Variants in NUP210L observed in about 807,000 individuals in gnomAD.
NUP210L encodes nuclear pore membrane glycoprotein 210-like.
NUP210L carries 74 observed loss-of-function variants against 208.5 expected under a neutral mutation model. That is an observed-to-expected ratio of 0.35 (90% CI 0.29 to 0.43). The LOEUF (loss-of-function observed/expected upper bound fraction) is 0.43, where lower values mean the gene tolerates loss of function less well. Among genes scored for constraint, NUP210L ranks in the 20% least tolerant of loss-of-function variants. The probability of loss-of-function intolerance (pLI) is 1.00; values close to 1 mark genes in which losing one functional copy is unlikely to be tolerated. For synonymous variants in NUP210L, 780 were observed against 816.9 expected, an observed-to-expected ratio of 0.95 and a Z score of 0.77; for missense variants, 1,843 against 2,289.4, an observed-to-expected ratio of 0.81 and a Z score of 3.98.
rs552469486 is a variant in NUP210L, at chr1:154,072,408, C to A, written c.2362-1943G>T. On this transcript the variant is annotated intron_variant, in intron 16 of 39. Coordinates refer to ENST00000368559, the Ensembl canonical transcript of NUP210L. ...AGTGCAGTGGTGAGATCTCGGCTCA[C>A]TGCAAGCTCCACCTCCCGGGTTCAT... Among the ~76,000 whole-genome samples, 3 of 137,184 alleles carry A rather than the reference C, an allele frequency of 2.2e-5. No homozygotes were observed. In the South Asian group the frequency reaches 7.4e-4, roughly 34 times the overall value. 90.0% of individuals were successfully genotyped at this position (137,184 alleles called of 152,430 possible).
chr1:154,140,272 A>T (rs1658772808), intron 4 of NUP210L, among the ~76,000 whole-genome samples: 1 of 150,898 alleles, frequency 6.6e-6, no homozygotes, highest in Non-Finnish European at 1.5e-5. Flanking sequence ...AATCACTTGA[A>T]CCCAGGAGAT....
rs538802957 is a variant in NUP210L, at chr1:154,141,127, A to G, written c.566+304T>C. 7.2e-5 allele frequency among the ~76,000 whole-genome samples: 11 copies of G among 152,138 alleles called. No homozygotes were observed. The South Asian group carries it at 2.3e-3, about 32-fold the overall frequency. ...TTCATACTATCATCCTTCTCCCTCT[A>G]CTCCAGCATGTGCAGGTAGCTTGAA... is the stretch of plus-strand genomic sequence containing the variant. On this transcript the variant is annotated intron_variant, in intron 4 of 39. Coordinates refer to ENST00000368559, the Ensembl canonical transcript of NUP210L.
chr1:154,007,331 T>C (rs2147899797), intron 35 of NUP210L, among the ~76,000 whole-genome samples: 1 of 151,240 alleles, frequency 6.6e-6, no homozygotes, highest in South Asian at 2.1e-4. Flanking sequence ...GGTGCCATCT[T>C]GGCTCACCGC....
intron 21 of NUP210L, 65 bp from the exon 22 acceptor site, chr1:154,058,281 T>C: frequency 6.5e-7 from 1 of 1,545,470 alleles, no homozygotes; most frequent in Non-Finnish European, 8.9e-7. Flanking sequence ...GTCTAACTCT[T>C]AGAGGGCAGT....
intron 35 of NUP210L, among the ~76,000 whole-genome samples, chr1:154,002,597 C>G (rs1428905148): frequency 6.6e-6 from 1 of 151,702 alleles, no homozygotes; most frequent in Non-Finnish European, 1.5e-5. Flanking sequence ...TGCATTCCAG[C>G]TTGGGGACAG....
intron 27 of NUP210L, among the ~76,000 whole-genome samples, chr1:154,043,267 G>A (rs1402798073): frequency 7.9e-5 from 12 of 151,512 alleles, no homozygotes; most frequent in Non-Finnish European, 1.3e-4. Flanking sequence ...TGATCCACGC[G>A]CCTCGGCCTC....
intron 16 of NUP210L, among the ~76,000 whole-genome samples, chr1:154,082,675 C>T (rs1655400442): frequency 6.6e-6 from 1 of 152,172 alleles, no homozygotes; most frequent in Non-Finnish European, 1.5e-5. Context: ...TAATTGGTTC[C>T]TTCTGGTAGG....
chr1:154,054,858 A>G, intron 23 of NUP210L, 26 bp from the exon 24 acceptor site: 3 of 1,513,502 alleles, frequency 2.0e-6, no homozygotes, highest in Non-Finnish European at 2.8e-6. Flanking sequence ...CAAAAGGACA[A>G]CAGTAACTAA....
chr1:154,054,905 A>ATTTT, intron 23 of NUP210L, 73 bp from the exon 24 acceptor site: 2 of 855,360 alleles, frequency 2.3e-6, no homozygotes, highest in Non-Finnish European at 3.7e-6. Context: ...GGTCATTTAA[A>ATTTT]TTTTTTTTTT....
chr1:154,134,969 C>A (rs1417214311), intron 7 of NUP210L, among the ~76,000 whole-genome samples: 1 of 151,570 alleles, frequency 6.6e-6, no homozygotes, highest in African/African-American at 2.4e-5. Context: ...AACTCCCGAC[C>A]TCAGGTGATC....
At chr1:154,087,216 A>G (rs895805596) in intron 16 of NUP210L, among the ~76,000 whole-genome samples, 1 of 150,734 alleles carries the variant, frequency 6.6e-6, no homozygotes, top group Admixed American at 6.7e-5. Flanking sequence ...GCTACTCAGG[A>G]GGATGAGGCA....
At chr1:154,151,462 A>G (rs1025328964) in intron 2 of NUP210L, among the ~76,000 whole-genome samples, 2 of 135,566 alleles carry the variant, frequency 1.5e-5, no homozygotes, top group African/African-American at 5.0e-5. Flanking sequence ...AATAGGTGTT[A>G]GTAGTTGGAA....
At chr1:154,097,563 T>G (rs1400634017) in intron 14 of NUP210L, among the ~76,000 whole-genome samples, 4 of 152,350 alleles carry the variant, frequency 2.6e-5, no homozygotes, top group African/African-American at 9.6e-5. Flanking sequence ...CCCAGGGAAC[T>G]AGTGAAATAT....
intron 17 of NUP210L, among the ~76,000 whole-genome samples, chr1:154,068,918 A>T (rs553126578): frequency 2.6e-5 from 4 of 152,270 alleles, no homozygotes; most frequent in Non-Finnish European, 4.4e-5. Context: ...TGGCACATGT[A>T]TACATATGTA....
At chr1:154,078,613 A>C (rs1260198908) in intron 16 of NUP210L, among the ~76,000 whole-genome samples, 1 of 151,880 alleles carries the variant, frequency 6.6e-6, no homozygotes, top group Non-Finnish European at 1.5e-5. Flanking sequence ...AAAAAAGAAA[A>C]CAATATATAT....
chr1:154,094,840 A>C, intron 15 of NUP210L, 95 bp downstream of exon 15: 1 of 903,524 alleles, frequency 1.1e-6, no homozygotes, highest in Non-Finnish European at 1.7e-6. Context: ...TAGTCCATAA[A>C]CTAAATTCAG....
At position 154,100,994 on chromosome 1, in the gene NUP210L, G is replaced by A. The variant is rs909791924; in HGVS notation, c.1820-851C>T. On this transcript the variant is annotated intron_variant, in intron 13 of 39. Transcript: ENST00000368559. The stretch of plus-strand genomic sequence containing the variant: ...TCGAGACCAGCCTGACCAACATGGA[G>A]AAATCCCGTCTCTACTAAAAATTCA... 2.0e-5 allele frequency among the ~76,000 whole-genome samples: 3 copies of A among 151,790 alleles called. 1 individual carries two copies. The highest frequency in any genetic ancestry group is 2.0e-4 in the Admixed American group (3 of 15,202).
chr1:153,992,700 C>G, exon 40 of NUP210L: 1 of 654,264 alleles, frequency 1.5e-6, no homozygotes, highest in South Asian at 2.2e-5. Flanking sequence ...TTTTAAGAAA[C>G]AGCTTAGGAT....
chr1:153,999,517 C>T (rs1650084461), intron 37 of NUP210L, among the ~76,000 whole-genome samples: 2 of 152,126 alleles, frequency 1.3e-5, no homozygotes, highest in Non-Finnish European at 2.9e-5. Context: ...GCGGGTGGAT[C>T]ACCTGAGGTC....
Sources: gnomAD v4.1 joint callset for allele counts (sites outside exome capture counted in the v4.1 genomes callset) on GRCh38, gnomAD v4.1.1 for gene constraint, MANE v1.5 for transcripts, NCBI Gene and HGNC (gene_info 2026-07-23, HGNC 2026-07-21) for gene names.